C12orf76: variants seen among roughly 807,000 people sequenced by gnomAD.
C12orf76 encodes the protein uncharacterized protein C12orf76.
C12orf76 carries 6 observed loss-of-function variants against 6.8 expected under a neutral mutation model. The ratio of observed to expected loss-of-function variants is 0.88; its 90% CI spans 0.48 to 1.73. C12orf76 has a LOEUF of 1.73. Among genes scored for constraint, C12orf76 ranks in the 40% most tolerant of loss-of-function variants. The pLI is 0.01. For missense variants in C12orf76, 99 were observed against 98.2 expected (o/e 1.01, Z -0.03); for synonymous variants, 56 against 43.7 (o/e 1.28, Z -1.11).
intron 2 of C12orf76, among the ~76,000 whole-genome samples, chr12:110,063,907 A>G (rs1892818032): frequency 6.6e-6 from 1 of 152,090 alleles, no homozygotes; most frequent in Non-Finnish European, 1.5e-5. Context: ...ACTCTGTCTC[A>G]AAACAAACAA....
exon 4 of C12orf76, chr12:110,057,192 G>A: frequency 6.2e-7 from 1 of 1,604,184 alleles, no homozygotes; most frequent in Non-Finnish European, 8.5e-7. Context: ...GACTTACCTT[G>A]GCATTGCAGG....
chr12:110,073,212 G>A (rs1892981782), intron 1 of C12orf76, among the ~76,000 whole-genome samples: 2 of 152,088 alleles, frequency 1.3e-5, no homozygotes. Context: ...AATGAATCCC[G>A]CTCGCCTTCC....
At chr12:110,068,348 A>T (rs998169577), upstream of C12orf76, among the ~76,000 whole-genome samples, 1 of 151,968 alleles carries the variant, frequency 6.6e-6, no homozygotes, top group Non-Finnish European at 1.5e-5. Context: ...AAATAGAAGC[A>T]AATGGAACCA....
At chr12:110,073,541 C>A in exon 1 of C12orf76, 1 of 515,248 alleles carries the variant, frequency 1.9e-6, no homozygotes. Context: ...AGCAGGCTGG[C>A]ACGGTTACAG....
intron 1 of C12orf76, among the ~76,000 whole-genome samples, chr12:110,073,023 C>T (rs1892979046): frequency 6.6e-6 from 1 of 151,796 alleles, no homozygotes; most frequent in South Asian, 2.1e-4. Context: ...AGTTAAAATA[C>T]ATTTATAAAC....
At chr12:110,058,575 G>C (rs1254565495) in intron 3 of C12orf76, among the ~76,000 whole-genome samples, 1 of 152,150 alleles carries the variant, frequency 6.6e-6, no homozygotes, top group Non-Finnish European at 1.5e-5. Context: ...TGAGGCAGGA[G>C]AATCACTTGA....
intron 1 of C12orf76, chr12:110,066,135 G>A: frequency 7.4e-7 from 1 of 1,344,490 alleles, no homozygotes; most frequent in Non-Finnish European, 9.6e-7. Context: ...AATTTGGGAG[G>A]CCGAGGCAGG....
At chr12:110,068,317 AAGAAGAAGAAGAAGG>A (rs1892915322), upstream of C12orf76, among the ~76,000 whole-genome samples, 2 of 140,816 alleles carry the variant, frequency 1.4e-5, no homozygotes, top group African/African-American at 5.1e-5. Flanking sequence ...GAAGAAGAAG[AAGAAGAAGAAGAAGG>A]CGGCCAAATA....
upstream of C12orf76, among the ~76,000 whole-genome samples, chr12:110,068,317 AAGAAG>A (rs1892915196): frequency 7.1e-6 from 1 of 140,816 alleles, no homozygotes. Flanking sequence ...GAAGAAGAAG[AAGAAG>A]AAGAAGAAGG....
At chr12:110,062,901 C>T (rs139588456) in intron 2 of C12orf76, among the ~76,000 whole-genome samples, 1 of 150,774 alleles carries the variant, frequency 6.6e-6, no homozygotes, top group Non-Finnish European at 1.5e-5. Flanking sequence ...TCTCAGCCTC[C>T]CAAAGTGCTG....
intron 1 of C12orf76, 148 bp from the exon 2 acceptor site, chr12:110,042,607 T>C: frequency 1.4e-6 from 1 of 708,132 alleles, no homozygotes; most frequent in Non-Finnish European, 2.6e-6. Context: ...CTCTCTCCAG[T>C]TGTCTCTAAA....
intron 1 of C12orf76, among the ~76,000 whole-genome samples, chr12:110,046,986 C>T (rs1892467619): frequency 6.6e-6 from 1 of 152,048 alleles, no homozygotes; most frequent in Non-Finnish European, 1.5e-5. Context: ...TCTGAAGGAT[C>T]GAGTGGGATA....
chr12:110,073,425 A>T, exon 1 of C12orf76: 1 of 522,482 alleles, frequency 1.9e-6, no homozygotes. Context: ...CACTTACCTA[A>T]CATAGGAAAA....
At chr12:110,046,731 C>T (rs138309259) in intron 1 of C12orf76, among the ~76,000 whole-genome samples, 40 of 152,322 alleles carry the variant, frequency 2.6e-4, no homozygotes, top group African/African-American at 8.4e-4. Flanking sequence ...GGTCTGCAGA[C>T]TACCCTTTGA....
At chr12:110,062,788 ATTTTTT>A (rs71079597) in intron 2 of C12orf76, among the ~76,000 whole-genome samples, 1 of 63,360 alleles carries the variant, frequency 1.6e-5, no homozygotes, top group Non-Finnish European at 2.8e-5. Context: ...CCCAGCTAAT[ATTTTTT>A]TTTTTTTTTT....
chr12:110,051,219 G>A (rs1370071476), upstream of C12orf76: 1 of 771,098 alleles, frequency 1.3e-6, no homozygotes, highest in Non-Finnish European at 2.4e-6. Flanking sequence ...AGTGGGGTGG[G>A]AGGCAGGCTC....
intron 3 of C12orf76, among the ~76,000 whole-genome samples, chr12:110,058,117 C>CAATCATTG (rs1892705180): frequency 6.8e-6 from 1 of 147,016 alleles, no homozygotes; most frequent in African/African-American, 2.5e-5. Flanking sequence ...ATCACTCAGG[C>CAATCATTG]AATCATTGTT....
chr12:110,066,412 G>C (rs547289321), intron 1 of C12orf76, among the ~76,000 whole-genome samples: 55 of 145,356 alleles, frequency 3.8e-4, no homozygotes, highest in African/African-American at 1.4e-3. Flanking sequence ...AAACGGCTGG[G>C]CGCGGTGGCT....
exon 3 of C12orf76, chr12:110,059,023 G>T: frequency 6.4e-7 from 1 of 1,551,450 alleles, no homozygotes; most frequent in Non-Finnish European, 8.7e-7. Flanking sequence ...TGGTATGAAT[G>T]AAGCGAGAAG....
Sources: allele counts gnomAD v4.1 joint callset (sites outside exome capture counted in the v4.1 genomes callset), GRCh38; gene constraint gnomAD v4.1.1; transcripts MANE v1.5; gene names NCBI Gene and HGNC (gene_info 2026-07-23, HGNC 2026-07-21).